The following PARD3B variants were observed in gnomAD, a reference collection of about 807,000 sequenced individuals.
The protein encoded by PARD3B is par-3 family cell polarity regulator beta.
A neutral mutation model predicts 130.2 loss-of-function variants in PARD3B; 103 were observed. The observed-to-expected ratio is 0.79, with a 90% CI of 0.67 to 0.93. The LOEUF is 0.93. PARD3B is among the 40% of genes least tolerant of loss of function. The pLI is 0.00. For missense variants in PARD3B, 1,609 were observed against 1,499.2 expected (o/e 1.07, Z -1.21); for synonymous variants, 583 against 553.2 (o/e 1.05, Z -0.76).
chr2:204,853,591 A>C (rs761940873), intron 2 of PARD3B, among the ~76,000 whole-genome samples: 10 of 152,244 alleles, frequency 6.6e-5, no homozygotes, highest in Non-Finnish European at 1.2e-4. Context: ...AGCAAACTAA[A>C]GAATATGCTG....
chr2:204,718,001 C>G (rs899038927), intron 2 of PARD3B, among the ~76,000 whole-genome samples: 2 of 152,078 alleles, frequency 1.3e-5, no homozygotes, highest in East Asian at 3.9e-4. Context: ...TGTGAATGTT[C>G]CAATTATGGC....
chr2:204,956,382 T>C (rs1359602976), intron 2 of PARD3B, among the ~76,000 whole-genome samples: 3 of 152,248 alleles, frequency 2.0e-5, no homozygotes, highest in African/African-American at 7.2e-5. Flanking sequence ...TAGTGCTTTA[T>C]ACTTTAGAAA....
intron 1 of PARD3B, among the ~76,000 whole-genome samples, chr2:204,620,817 G>C (rs75666721): frequency 0.029 from 4,461 of 152,238 alleles, 98 homozygotes; most frequent in Admixed American, 0.057. Flanking sequence ...TCTCTGTTTT[G>C]ATGATCTGAG....
At chr2:204,746,462 A>G (rs2125375880) in intron 2 of PARD3B, among the ~76,000 whole-genome samples, 1 of 152,154 alleles carries the variant, frequency 6.6e-6, no homozygotes, top group Middle Eastern at 3.4e-3. Context: ...GTGTCTTTAT[A>G]GCAGCATGAT....
chr2:204,838,264 C>A (rs2044127186), intron 2 of PARD3B, among the ~76,000 whole-genome samples: 1 of 151,946 alleles, frequency 6.6e-6, no homozygotes, highest in Admixed American at 6.6e-5. Flanking sequence ...CTCACTGCAA[C>A]CTCCACCTCC....
In PARD3B at chr2:205,230,051, C is replaced by T. The variant is rs1286426099; in HGVS notation, c.2141-15727C>T. On this transcript the variant is annotated intron_variant, in intron 15 of 22. Coordinates refer to ENST00000406610, the MANE Select transcript of PARD3B (RefSeq NM_001302769.2). The surrounding 1 kb of genome is among the most constrained non-coding windows in gnomAD (Gnocchi z 4.1). ...CTCTCTCTTCAGGGCAGTGGGCTCT[C>T]CTCTGGCCCAGGGCAGATCCAGAGA... Among the ~76,000 whole-genome samples the T allele has an allele frequency of 6.6e-6, 1 of 151,992 alleles. No individual in the cohort carries two copies. Among genetic ancestry groups the T allele is most frequent in the East Asian group, 1.9e-4 (1 of 5,134 alleles).
At chr2:204,613,165 AT>A (rs2033990674) in intron 1 of PARD3B, among the ~76,000 whole-genome samples, 1 of 147,640 alleles carries the variant, frequency 6.8e-6, no homozygotes, top group African/African-American at 2.5e-5. Context: ...CTCAGGAGAT[AT>A]ATTTTTTTTG....
intron 2 of PARD3B, among the ~76,000 whole-genome samples, chr2:204,700,790 T>G (rs2037853914): frequency 6.6e-6 from 1 of 152,126 alleles, no homozygotes; most frequent in African/African-American, 2.4e-5. Context: ...TTCTTAAGGT[T>G]AAAAGGTGGT....
At chr2:204,600,456 A>C (rs2033463796) in intron 1 of PARD3B, among the ~76,000 whole-genome samples, 1 of 151,808 alleles carries the variant, frequency 6.6e-6, no homozygotes, top group Admixed American at 6.6e-5. Flanking sequence ...ACCTTTGTCA[A>C]ACATCAATTA....
rs2048774644 is a variant in PARD3B at position 205,470,138 on chromosome 2, T to A, written c.3044+29466T>A. On this transcript the variant is annotated intron_variant, in intron 20 of 22. Coordinates refer to ENST00000406610, the MANE Select transcript of PARD3B (RefSeq NM_001302769.2). This position sits in a 1 kb window ranked among gnomAD's most constrained non-coding sequence, Gnocchi z 4.8. ...AGGGTGGAACTAAGTGATCTCAGCA[T>A]TTTTTTTCCAGTTCCAAAATTATAT... Among the ~76,000 whole-genome samples, 1 of 151,870 alleles carries A rather than the reference T, an allele frequency of 6.6e-6. No homozygotes were observed. Among genetic ancestry groups the A allele is most frequent in the Non-Finnish European group, 1.5e-5 (1 of 67,992 alleles).
At position 205,021,160 on chromosome 2, in the gene PARD3B, C is replaced by T. The variant is rs141714733; in HGVS notation, c.395-26421C>T. On this transcript the variant is annotated intron_variant, in intron 3 of 22. Transcript: ENST00000406610. The surrounding 1 kb of genome is among the most constrained non-coding windows in gnomAD (Gnocchi z 4.5). ...CAAATAAAGCAAATTGGAATGATTT[C>T]ATGAACCTGTGTAGAGGTCTGCAAC... Among the ~76,000 whole-genome samples the T allele has an allele frequency of 2.8e-4, 42 of 152,254 alleles. No homozygotes were observed. The East Asian group carries it at 7.1e-3, about 26-fold the overall frequency.
At chr2:204,784,006 G>C (rs1184765738) in intron 2 of PARD3B, among the ~76,000 whole-genome samples, 1 of 151,990 alleles carries the variant, frequency 6.6e-6, no homozygotes, top group Non-Finnish European at 1.5e-5. Flanking sequence ...GAGTTCCTGG[G>C]TTCAGAAGTG....
chr2:204,935,328 G>T (rs1364550815), intron 2 of PARD3B, among the ~76,000 whole-genome samples: 2 of 146,634 alleles, frequency 1.4e-5, no homozygotes, highest in South Asian at 4.3e-4. Flanking sequence ...AGGAGATCAA[G>T]ACCATCCTGG....
chr2:204,865,706 A>G (rs1031940725), intron 2 of PARD3B, among the ~76,000 whole-genome samples: 2 of 152,176 alleles, frequency 1.3e-5, no homozygotes, highest in Non-Finnish European at 1.5e-5. Context: ...GGTGATGGGT[A>G]TACTAAAATC....
intron 2 of PARD3B, among the ~76,000 whole-genome samples, chr2:204,838,396 G>A (rs1377237991): frequency 7.0e-6 from 1 of 141,886 alleles, no homozygotes; most frequent in Admixed American, 6.9e-5. Flanking sequence ...TGTGTCTTTA[G>A]TAGAGACGGG....
Position 204,907,344 on chromosome 2 carries a change from G to A in PARD3B, c.223-57808G>A, listed in dbSNP as rs1559247190. Among the ~76,000 whole-genome samples, 1 of 152,146 alleles carries A rather than the reference G, an allele frequency of 6.6e-6. No individual in the cohort carries two copies. The highest frequency in any genetic ancestry group is 1.5e-5 in the Non-Finnish European group (1 of 68,024). ...AGATGATGTGAATCCATAGGGCCAT[G>A]CTTCTAGGTCTTGTCTTTGAAAGTT... On this transcript the variant is annotated intron_variant, in intron 2 of 22. Coordinates refer to ENST00000406610, the MANE Select transcript of PARD3B (RefSeq NM_001302769.2). The surrounding 1 kb of genome is among the most constrained non-coding windows in gnomAD (Gnocchi z 5.7).
chr2:204,551,499 T>G (rs1011904497), intron 1 of PARD3B, among the ~76,000 whole-genome samples: 1 of 152,212 alleles, frequency 6.6e-6, no homozygotes, highest in Non-Finnish European at 1.5e-5. Context: ...CTATTTGGCC[T>G]GCTGGTGGGC....
intron 1 of PARD3B, among the ~76,000 whole-genome samples, chr2:204,552,754 G>A (rs1415688747): frequency 6.6e-6 from 1 of 152,132 alleles, no homozygotes; most frequent in East Asian, 1.9e-4. Flanking sequence ...GTTGAATAGG[G>A]TGTCCTTTCC....
chr2:204,686,968 A>G (rs571517509), intron 2 of PARD3B, among the ~76,000 whole-genome samples: 2 of 152,296 alleles, frequency 1.3e-5, no homozygotes, highest in East Asian at 3.9e-4. Context: ...GGCTCCTGTC[A>G]TCAATGGCTA....
Sources: allele counts gnomAD v4.1 joint callset (sites outside exome capture counted in the v4.1 genomes callset), GRCh38; gene constraint gnomAD v4.1.1; non-coding constraint Gnocchi (gnomAD v3.1); transcripts MANE v1.5; gene names NCBI Gene and HGNC (gene_info 2026-07-23, HGNC 2026-07-21).